Variants in WBP11 observed in about 807,000 individuals in gnomAD.
WBP11 encodes the protein WW domain binding protein 11, also known as WW domain-binding protein 11.
WBP11 carries 12 observed loss-of-function variants against 66.7 expected under a neutral mutation model. That is an observed-to-expected ratio of 0.18 (90% CI 0.12 to 0.29). WBP11 has a LOEUF of 0.29. WBP11 is among the 10% of genes least tolerant of loss of function. The pLI is 1.00. For missense variants in WBP11, 555 were observed against 818.3 expected (o/e 0.68, Z 3.93); for synonymous variants, 255 against 273.8 (o/e 0.93, Z 0.68).
intron 1 of WBP11, chr12:14,802,145 G>A (rs755642078): frequency 1.3e-5 from 2 of 152,060 alleles, no homozygotes; most frequent in South Asian, 4.1e-4. Context: ...ATTTCTTAAG[G>A]TAATTAAAGG....
At chr12:14,789,510 G>A (rs1312418809) in intron 10 of WBP11, among the ~76,000 whole-genome samples, 5 of 152,100 alleles carry the variant, frequency 3.3e-5, no homozygotes, top group Admixed American at 6.6e-5. Flanking sequence ...GTGTGAACCC[G>A]GGAGGCGGAG....
At chr12:14,794,784 T>G (rs777005761) in intron 6 of WBP11, 48 bp from the exon 7 acceptor site, 2 of 1,532,960 alleles carry the variant, frequency 1.3e-6, no homozygotes, top group African/African-American at 2.8e-5. Flanking sequence ...AGTAATCACT[T>G]AACAGTAATG....
In WBP11 at chr12:14,787,435, G is replaced by A. The variant is rs1386208926; in HGVS notation, c.1556C>T (p.Pro519Leu). 7 of 1,548,596 alleles carry A rather than the reference G, an allele frequency of 4.5e-6. No individual in the cohort carries two copies. The highest frequency in any genetic ancestry group is 1.9e-5 in the Admixed American group (1 of 52,764). The change falls in exon 12 of 12, where the codon CCC becomes CTC. Residue 519 changes from proline to leucine, a missense_variant. Around this residue, in one of 6 missense-constraint regions of WBP11, gnomAD observed 230 missense variants for 286.3 expected, o/e 0.80. Transcript: ENST00000261167. Reference protein sequence around the residue: ...PPLVPPLGPAPPGLFPPAPLP... With the variant: ...PPLVPPLGPALPGLFPPAPLP... ...GGGAGCTGGTGGGAACAGCCCAGGG[G>A]GGGCAGGTCCAAGGGGAGGCACCAA...
chr12:14,794,613 A>G lies in WBP11; in HGVS notation c.645T>C (p.Tyr215=), dbSNP rs1210135895. ...GPPPPQVVQM[Y]GRKVGFALDL... ...CTAGGGCAAAACCCACTTTACGGCC[A>G]TACATCTGCACGACTTGAGGAGGAG... The change falls in exon 7 of 12, where the codon TAT becomes TAC. Residue 215 remains tyrosine, a synonymous_variant. Transcript: ENST00000261167. 6.2e-7 allele frequency: 1 copy of G among 1,614,156 alleles called. No homozygotes were observed. Among genetic ancestry groups the G allele is most frequent in the South Asian group, 1.1e-5 (1 of 91,080 alleles).
chr12:14,793,955 T>G, intron 7 of WBP11, 33 bp from the exon 8 acceptor site: 1 of 1,573,570 alleles, frequency 6.4e-7, no homozygotes, highest in Non-Finnish European at 8.6e-7. Flanking sequence ...GGAGAAGTAG[T>G]ATGATTGGAC....
chr12:14,785,602 C>T lies in WBP11; in HGVS notation c.*1463G>A, dbSNP rs1170673498. 3 of 152,142 alleles carry T rather than the reference C, an allele frequency of 2.0e-5. No homozygotes were observed. Among genetic ancestry groups the T allele is most frequent in the African/African-American group, 7.2e-5 (3 of 41,428 alleles). 9.4% of individuals were successfully genotyped at this position (152,142 alleles called of 1,614,324 possible). On this transcript the variant is annotated 3_prime_UTR_variant, in exon 12 of 12. Transcript: ENST00000261167. Reference sequence around the variant, plus strand: ...AAAGAATAAATCAGTATCTTCCAAGCAAAGCCAAACAAACAAAAGATCTTG... The same window carrying T: ...AAAGAATAAATCAGTATCTTCCAAGTAAAGCCAAACAAACAAAAGATCTTG...
intron 10 of WBP11, among the ~76,000 whole-genome samples, chr12:14,789,904 G>A (rs1949801771): frequency 6.6e-6 from 1 of 152,142 alleles, no homozygotes; most frequent in African/African-American, 2.4e-5. Context: ...GCTGACAATA[G>A]GATGAAGGAC....
chr12:14,789,248 A>G (rs539797040), intron 10 of WBP11, 115 bp from the exon 11 acceptor site: 20 of 965,824 alleles, frequency 2.1e-5, no homozygotes, highest in Non-Finnish European at 3.0e-5. Context: ...ATTAACTTCA[A>G]GAAGTTAATG....
At chr12:14,791,055 C>A in intron 9 of WBP11, 114 bp downstream of exon 9, 1 of 1,055,566 alleles carries the variant, frequency 9.5e-7, no homozygotes, top group South Asian at 1.6e-5. Flanking sequence ...TTTTGTAAAA[C>A]AAGGACTTAT....
At position 14,788,995 on chromosome 12, in the gene WBP11, G is replaced by T; in HGVS notation, c.1448C>A (p.Pro483His). The T allele has an allele frequency of 6.8e-7, 1 of 1,479,758 alleles. No individual in the cohort carries two copies. Among genetic ancestry groups the T allele is most frequent in the Non-Finnish European group, 8.9e-7 (1 of 1,122,152 alleles). 91.7% of individuals were successfully genotyped at this position (1,479,758 alleles called of 1,614,324 possible). Residue 483 changes from proline (P) to histidine (H), a missense_variant, in exon 11 of 12, where the codon CCT becomes CAT. By Grantham distance (77) the Pro-to-His change is moderately conservative (BLOSUM62 -2). Transcript: ENST00000261167. ...GPPPGLPPGP[P>H]PRGPPPRLPP... Reference sequence around the variant, plus strand: ...TAGCCTTGGTGGGGGTCCACGAGGAGGGGGACCAGGAGGCAGACCTGGAGG... The same window carrying T: ...TAGCCTTGGTGGGGGTCCACGAGGATGGGGACCAGGAGGCAGACCTGGAGG...
Position 14,794,068 on chromosome 12 carries a change from T to C in WBP11, c.722-146A>G, listed in dbSNP as rs527906416. On this transcript the variant is annotated intron_variant, in intron 7 of 11. Transcript: ENST00000261167. Reference sequence around the variant, plus strand: ...AAAAAAAAAAAAAAATTCTTGTATATATAGCTACTCATACAGTCTAACAAA... The same window carrying C: ...AAAAAAAAAAAAAAATTCTTGTATACATAGCTACTCATACAGTCTAACAAA... 2.6e-5 allele frequency: 17 copies of C among 646,368 alleles called. No individual in the cohort carries two copies. The African/African-American group carries it at 3.2e-4, about 12-fold the overall frequency. The allele number at this position is 646,368 out of a possible 1,614,324, so 40.0% of individuals were successfully genotyped here.
At chr12:14,792,277 A>G (rs1012367097) in intron 8 of WBP11, among the ~76,000 whole-genome samples, 1 of 152,146 alleles carries the variant, frequency 6.6e-6, no homozygotes, top group African/African-American at 2.4e-5. Context: ...TTATGATTAA[A>G]AAAAACCTAT....
chr12:14,803,473 C>T lies in WBP11; in HGVS notation c.-167G>A, dbSNP rs756754500. On this transcript the variant is annotated 5_prime_UTR_variant, in exon 1 of 12. Transcript: ENST00000261167. The stretch of plus-strand genomic sequence containing the variant: ...CCCCTCAGCTACCGCCATCTTGAAA[C>T]CTCGCGCCCCTCCGCACTCCTCACG... The T allele has an allele frequency of 5.0e-6, 2 of 398,632 alleles. No homozygotes were observed. Among genetic ancestry groups the T allele is most frequent in the Non-Finnish European group, 4.4e-6 (1 of 226,202 alleles). 24.7% of individuals were successfully genotyped at this position (398,632 alleles called of 1,614,324 possible). A position where few individuals can be genotyped will look rare whatever the true frequency, so the allele number is the denominator to read the frequency against.
At chr12:14,800,086 C>G (rs1030677704) in intron 3 of WBP11, among the ~76,000 whole-genome samples, 3 of 151,954 alleles carry the variant, frequency 2.0e-5, no homozygotes, top group Non-Finnish European at 4.4e-5. Flanking sequence ...AAGTCCAAAG[C>G]AAAGGTTGAA....
chr12:14,785,796 T>C lies in WBP11; in HGVS notation c.*1269A>G, dbSNP rs1949747611. ...ATGCCTAAACAATGCACGCACTGTGTGTATGTGTTTATGAAATACACACTT... is the reference window on the plus strand; with the variant it reads ...ATGCCTAAACAATGCACGCACTGTGCGTATGTGTTTATGAAATACACACTT... On this transcript the variant is annotated 3_prime_UTR_variant, in exon 12 of 12. Coordinates refer to ENST00000261167, the MANE Select transcript of WBP11 (RefSeq NM_016312.3). The C allele has an allele frequency of 6.6e-6, 1 of 152,256 alleles. No homozygotes were observed. The highest frequency in any genetic ancestry group is 2.4e-5 in the African/African-American group (1 of 41,472). The allele number at this position is 152,256 out of a possible 1,614,324, so 9.4% of individuals were successfully genotyped here.
At chr12:14,789,262 C>T (rs558192891) in intron 10 of WBP11, 129 bp from the exon 11 acceptor site, 5 of 871,564 alleles carry the variant, frequency 5.7e-6, no homozygotes, top group African/African-American at 1.8e-5. Context: ...GTTAATGAAA[C>T]ATACATGGAA....
At position 14,787,477 on chromosome 12, in the gene WBP11, C is replaced by A; in HGVS notation, c.1514G>T (p.Gly505Val). The part of the protein sequence containing the change: ...APPGIPPPRP[G>V]MMRPPLVPPL... ...AGGCACCAAAGGTGGGCGCATCATG[C>A]CAGGACGAGGTGGAGGAATACCTAA... is the stretch of plus-strand genomic sequence containing the variant. Residue 505 changes from glycine (G) to valine (V), a missense_variant, in exon 12 of 12, where the codon GGC becomes GTC. Gly to Val is a moderately radical substitution (Grantham distance 109). Transcript: ENST00000261167. 1 of 1,512,056 alleles carries A rather than the reference C, an allele frequency of 6.6e-7. No homozygotes were observed. Among genetic ancestry groups the A allele is most frequent in the East Asian group, 2.3e-5 (1 of 43,928 alleles). 93.7% of individuals were successfully genotyped at this position (1,512,056 alleles called of 1,614,324 possible). A position where few individuals can be genotyped will look rare whatever the true frequency, so the allele number is the denominator to read the frequency against.
intron 11 of WBP11, 78 bp from the exon 12 acceptor site, chr12:14,787,576 G>T: frequency 7.7e-7 from 1 of 1,292,368 alleles, no homozygotes; most frequent in Non-Finnish European, 1.0e-6. Flanking sequence ...TTTAAATATT[G>T]GTTGCCAATT....
intron 8 of WBP11, among the ~76,000 whole-genome samples, chr12:14,792,593 G>A (rs914911565): frequency 2.0e-4 from 31 of 152,202 alleles, no homozygotes; most frequent in African/African-American, 7.5e-4. Flanking sequence ...AGCACTTTGG[G>A]AGGCCGAGGG....
Sources: allele counts gnomAD v4.1 joint callset (sites outside exome capture counted in the v4.1 genomes callset), GRCh38; gene constraint gnomAD v4.1.1; regional missense constraint gnomAD v4.1.1; transcripts MANE v1.5; gene names NCBI Gene and HGNC (gene_info 2026-07-23, HGNC 2026-07-21).